The following FBXO34 variants were observed in gnomAD, a reference collection of about 807,000 sequenced individuals.
FBXO34 encodes F-box protein 34.
FBXO34 carries 12 observed loss-of-function variants against 24.5 expected under a neutral mutation model. That is an observed-to-expected ratio of 0.49 (90% CI 0.31 to 0.79). The LOEUF is 0.79. FBXO34 is among the 30% of genes least tolerant of loss of function. The pLI is 0.04. For missense variants in FBXO34, 823 were observed against 857.7 expected, an observed-to-expected ratio of 0.96 and a Z score of 0.51; for synonymous variants, 320 against 311.9, an observed-to-expected ratio of 1.03 and a Z score of -0.27.
chr14:55,306,314 A>G (rs180901217), intron 1 of FBXO34, among the ~76,000 whole-genome samples: 2 of 152,284 alleles, frequency 1.3e-5, no homozygotes, highest in Admixed American at 6.5e-5. Context: ...ATTAGCCTTT[A>G]TGTTGTTACT....
chr14:55,419,510 A>T, the FBXO34 span, among the ~76,000 whole-genome samples: 1 of 152,244 alleles, frequency 6.6e-6, no homozygotes, highest in African/African-American at 2.4e-5. Context: ...ATGTCACACC[A>T]GCCACAGAAA....
chr14:55,373,245 T>G (rs1884856604), downstream of FBXO34, among the ~76,000 whole-genome samples: 1 of 152,216 alleles, frequency 6.6e-6, no homozygotes, highest in East Asian at 1.9e-4. Context: ...CCAGGAATAC[T>G]CATTTTCTCA....
chr14:55,295,533 T>A (rs976193885), intron 1 of FBXO34, among the ~76,000 whole-genome samples: 3 of 151,970 alleles, frequency 2.0e-5, no homozygotes, highest in African/African-American at 7.3e-5. Flanking sequence ...TAGCTGGGAT[T>A]ACAGGCATGC....
At chr14:55,402,948 T>A in the FBXO34 span, among the ~76,000 whole-genome samples, 7 of 60,874 alleles carry the variant, frequency 1.1e-4, no homozygotes, top group African/African-American at 3.7e-4. Context: ...TATATATATA[T>A]ATATATATAT....
the FBXO34 span, chr14:55,413,606 A>G: frequency 2.2e-6 from 1 of 445,838 alleles, no homozygotes; most frequent in Non-Finnish European, 4.5e-6. Flanking sequence ...GGCTCCCTCC[A>G]TTGGTTCTAA....
chr14:55,305,366 G>T (rs1325557633), intron 1 of FBXO34, among the ~76,000 whole-genome samples: 1 of 149,956 alleles, frequency 6.7e-6, no homozygotes, highest in African/African-American at 2.5e-5. Flanking sequence ...AGTGAGCCAA[G>T]ATTGCACCAC....
chr14:55,273,698 T>G (rs1881236709), intron 1 of FBXO34, among the ~76,000 whole-genome samples: 1 of 152,202 alleles, frequency 6.6e-6, no homozygotes, highest in Non-Finnish European at 1.5e-5. Flanking sequence ...CAAGATACTA[T>G]GTAATGCAAT....
At chr14:55,385,595 C>G in the FBXO34 span, among the ~76,000 whole-genome samples, 1 of 152,134 alleles carries the variant, frequency 6.6e-6, no homozygotes, top group African/African-American at 2.4e-5. Flanking sequence ...TCCCAGCCAT[C>G]AGATGGTTCT....
exon 3 of FBXO34, chr14:55,367,932 G>A (rs999657842): frequency 1.2e-4 from 18 of 152,544 alleles, no homozygotes; most frequent in African/African-American, 3.9e-4. Context: ...TGGAGGCAAA[G>A]TATCAACTAC....
downstream of FBXO34, among the ~76,000 whole-genome samples, chr14:55,357,959 A>G (rs147973831): frequency 6.6e-6 from 1 of 152,328 alleles, no homozygotes; most frequent in East Asian, 1.9e-4. Context: ...TGGATAATCT[A>G]TTTGCATAAC....
At chr14:55,376,727 CCCG>C in the FBXO34 span, among the ~76,000 whole-genome samples, 8 of 152,178 alleles carry the variant, frequency 5.3e-5, no homozygotes, top group Non-Finnish European at 1.0e-4. Flanking sequence ...AAAGAACTTT[CCCG>C]CCATTTGTCT....
intron 1 of FBXO34, among the ~76,000 whole-genome samples, chr14:55,295,688 G>A (rs1882098723): frequency 6.6e-6 from 1 of 152,096 alleles, no homozygotes; most frequent in Admixed American, 6.6e-5. Context: ...GAGCCACTGC[G>A]CCCAGCTGAG....
At chr14:55,361,345 A>G (rs181415753) in intron 3 of FBXO34, among the ~76,000 whole-genome samples, 2 of 152,350 alleles carry the variant, frequency 1.3e-5, no homozygotes, top group Admixed American at 1.3e-4. Context: ...AGTAGGTCTC[A>G]ATTGTGGGCT....
At chr14:55,380,788 C>G in the FBXO34 span, 62 of 727,378 alleles carry the variant, frequency 8.5e-5, no homozygotes, top group Admixed American at 2.2e-4. Context: ...CATGATAGCA[C>G]TGTTACGTTT....
chr14:55,287,894 C>T (rs1881814686), intron 1 of FBXO34, among the ~76,000 whole-genome samples: 1 of 152,138 alleles, frequency 6.6e-6, no homozygotes, highest in Non-Finnish European at 1.5e-5. Context: ...CGGCAATAAG[C>T]ACTTTTTTTG....
the FBXO34 span, chr14:55,395,176 T>A: frequency 2.2e-6 from 1 of 449,842 alleles, no homozygotes; most frequent in South Asian, 1.7e-5. Context: ...CGTGCCGATC[T>A]CCTCTTGGGC....
chr14:55,431,955 C>G, the FBXO34 span, among the ~76,000 whole-genome samples: 1 of 152,046 alleles, frequency 6.6e-6, no homozygotes, highest in Non-Finnish European at 1.5e-5. Flanking sequence ...CTATCCTTTT[C>G]CTATCACAAA....
chr14:55,351,355 A>G lies in FBXO34; in HGVS notation c.965A>G (p.Gln322Arg). ...AGAGTATTGCTTGCAAATAGCACTCAGGCTGATGAAGGCAAAACAAAGAAA... is the reference window on the plus strand; with the variant it reads ...AGAGTATTGCTTGCAAATAGCACTCGGGCTGATGAAGGCAAAACAAAGAAA... ...VGRVLLANST[Q>R]ADEGKTKKGV... The change falls in exon 2 of 2, where the codon CAG becomes CGG. Residue 322 changes from glutamine (Q) to arginine (R), a missense_variant. Transcript: ENST00000313833. The G allele has an allele frequency of 6.2e-7, 1 of 1,614,224 alleles. No individual in the cohort carries two copies. The highest frequency in any genetic ancestry group is 8.5e-7 in the Non-Finnish European group (1 of 1,180,050).
intron 1 of FBXO34, among the ~76,000 whole-genome samples, chr14:55,328,132 T>C (rs1182514307): frequency 6.6e-6 from 1 of 151,822 alleles, no homozygotes; most frequent in African/African-American, 2.4e-5. Flanking sequence ...AATTTTTTTG[T>C]ATTTTTAGTA....
Sources: gnomAD v4.1 joint callset for allele counts (sites outside exome capture counted in the v4.1 genomes callset) on GRCh38, gnomAD v4.1.1 for gene constraint, MANE v1.5 for transcripts, NCBI Gene and HGNC (gene_info 2026-07-23, HGNC 2026-07-21) for gene names.